Variants in TSHR observed in about 807,000 individuals in gnomAD.
TSHR encodes thyrotropin receptor.
A neutral mutation model predicts 64.1 loss-of-function variants in TSHR; 51 were observed. That is an observed-to-expected ratio of 0.80 (90% CI 0.64 to 1.01). TSHR has a LOEUF of 1.01. Ranked by LOEUF, TSHR falls within the 50% of genes least tolerant of loss-of-function variation. The pLI, the probability that TSHR is intolerant of heterozygous loss-of-function variation, is 0.00. For synonymous variants in TSHR, 361 were observed against 361.9 expected, an observed-to-expected ratio of 1.00 and a Z score of 0.03; for missense variants, 877 against 942.8, an observed-to-expected ratio of 0.93 and a Z score of 0.91.
At chr14:81,108,918 AT>A (rs1419539296) in intron 8 of TSHR, 21 of 1,405,608 alleles carry the variant, frequency 1.5e-5, no homozygotes, top group Non-Finnish European at 1.8e-5. Flanking sequence ...GAAAGATGGA[AT>A]AAAAACATTT....
intron 1 of TSHR, among the ~76,000 whole-genome samples, chr14:81,019,344 A>G (rs928594292): frequency 2.0e-5 from 3 of 152,012 alleles, no homozygotes; most frequent in Non-Finnish European, 4.4e-5. Flanking sequence ...AAAAAAAAAA[A>G]AAAATGGTTG....
chr14:80,980,360 G>C (rs1456613844), intron 1 of TSHR, among the ~76,000 whole-genome samples: 1 of 152,030 alleles, frequency 6.6e-6, no homozygotes, highest in Non-Finnish European at 1.5e-5. Context: ...TTTAACTTAG[G>C]TTTCTCTTTT....
chr14:81,001,703 A>C, intron 1 of TSHR: 1 of 472,918 alleles, frequency 2.1e-6, no homozygotes, highest in South Asian at 1.6e-5. Context: ...TGGCCTGGGC[A>C]GTTTCACGAG....
At chr14:81,025,361 A>T (rs1883995124) in intron 1 of TSHR, among the ~76,000 whole-genome samples, 1 of 152,162 alleles carries the variant, frequency 6.6e-6, no homozygotes, top group Non-Finnish European at 1.5e-5. Context: ...CAATATGTTT[A>T]TTTTTTAAAA....
chr14:81,107,827 T>C (rs1889992569), intron 7 of TSHR, among the ~76,000 whole-genome samples: 1 of 152,240 alleles, frequency 6.6e-6, no homozygotes, highest in African/African-American at 2.4e-5. Flanking sequence ...ACTAAAAAAT[T>C]ATTCATTGTT....
At chr14:81,028,872 A>G (rs1055083016) in intron 1 of TSHR, among the ~76,000 whole-genome samples, 1 of 151,982 alleles carries the variant, frequency 6.6e-6, no homozygotes, top group Admixed American at 6.6e-5. Flanking sequence ...TTAAACCCAA[A>G]ATGGATTCTT....
At position 80,978,188 on chromosome 14, in the gene TSHR, G is replaced by A. The variant is rs568626748; in HGVS notation, c.170+22338G>A. On this transcript the variant is annotated intron_variant, in intron 1 of 9. Coordinates refer to ENST00000298171, the MANE Select transcript of TSHR (RefSeq NM_000369.5). ...GCACAGGCCAGGAAAGTTCTCTCAC[G>A]GAACTTTCTTCCAAGCCATCATTGA... 3.0e-4 allele frequency among the ~76,000 whole-genome samples: 46 copies of A among 151,530 alleles called. 1 individual carries two copies. Among genetic ancestry groups the A allele is most frequent in the South Asian group, 1.7e-3 (8 of 4,798 alleles).
intron 1 of TSHR, among the ~76,000 whole-genome samples, chr14:80,984,930 C>CATTGTTTTATATCCTGAATTAAAAAGGTA (rs1263173726): frequency 5.3e-5 from 8 of 152,224 alleles, no homozygotes; most frequent in African/African-American, 1.9e-4. Flanking sequence ...TCATCCTGTA[C>CATTGTTTTATATCCTGAATTAAAAAGGTA]ATTGTTTTAT....
chr14:81,012,401 A>G (rs963691756), intron 1 of TSHR: 5 of 151,884 alleles, frequency 3.3e-5, no homozygotes, highest in African/African-American at 1.2e-4. Context: ...CAATAAACAT[A>G]CGTGTGCATG....
At chr14:81,066,885 C>T (rs564663130) in intron 2 of TSHR, among the ~76,000 whole-genome samples, 17 of 152,224 alleles carry the variant, frequency 1.1e-4, no homozygotes, top group African/African-American at 4.1e-4. Flanking sequence ...CATAGAAATA[C>T]CTCACAATAG....
At chr14:81,113,407 C>G (rs1202170660) in intron 8 of TSHR, among the ~76,000 whole-genome samples, 3 of 151,976 alleles carry the variant, frequency 2.0e-5, no homozygotes, top group African/African-American at 4.8e-5. Flanking sequence ...TGCAGGCAGG[C>G]AGTGATATAT....
intron 1 of TSHR, among the ~76,000 whole-genome samples, chr14:81,022,067 C>G (rs6574620): frequency 0.1 from 14,996 of 148,914 alleles, 2,527 homozygotes; most frequent in African/African-American, 0.35. Context: ...TCAAAACCAT[C>G]CTGGCTAACA....
At chr14:80,965,175 G>C (rs1231825198) in intron 1 of TSHR, among the ~76,000 whole-genome samples, 1 of 152,152 alleles carries the variant, frequency 6.6e-6, no homozygotes, top group Non-Finnish European at 1.5e-5. Context: ...GTTACTAACA[G>C]GCTTCAGATG....
At chr14:81,047,985 T>C (rs1343322988) in intron 1 of TSHR, among the ~76,000 whole-genome samples, 2 of 152,184 alleles carry the variant, frequency 1.3e-5, no homozygotes, top group East Asian at 3.9e-4. Flanking sequence ...ACTGAATGCC[T>C]GCTATGTTTA....
Position 81,144,015 on chromosome 14 carries a change from C to T in TSHR, c.1957C>T (p.Leu653Phe). ...YALSAILNKP[L>F]ITVSNSKILL... ...TCTGTCAGCAATTCTGAACAAGCCT[C>T]TCATCACTGTTAGCAACTCCAAAAT... Residue 653 changes from leucine (L) to phenylalanine (F), a missense_variant, in exon 10 of 10, where the codon CTC becomes TTC. By Grantham distance (22) the Leu-to-Phe change is conservative (BLOSUM62 0). Transcript: ENST00000298171. The T allele has an allele frequency of 6.2e-7, 1 of 1,614,226 alleles. No individual in the cohort carries two copies. The highest frequency in any genetic ancestry group is 8.5e-7 in the Non-Finnish European group (1 of 1,180,044).
chr14:81,036,454 G>T (rs1216434535), intron 1 of TSHR, among the ~76,000 whole-genome samples: 3 of 152,142 alleles, frequency 2.0e-5, no homozygotes, highest in African/African-American at 4.8e-5. Context: ...AAAGAGGTGA[G>T]GTGGGGGTGC....
chr14:81,103,613 T>C lies in TSHR; in HGVS notation c.615-4762T>C. On this transcript the variant is annotated intron_variant, in intron 7 of 9. Coordinates refer to ENST00000298171, the MANE Select transcript of TSHR (RefSeq NM_000369.5). This position sits in a 1 kb window ranked among gnomAD's most constrained non-coding sequence, Gnocchi z 4.1. ...ATGGCAGATGTGTAAAAGCACATTG[T>C]CCTATGACTTCCTATGGCGCCAAGA... is the stretch of plus-strand genomic sequence containing the variant. The C allele has an allele frequency of 1.0e-6, 1 of 985,472 alleles. No homozygotes were observed. 61.0% of individuals were successfully genotyped at this position (985,472 alleles called of 1,614,324 possible). A position where few individuals can be genotyped will look rare whatever the true frequency, so the allele number is the denominator to read the frequency against.
chr14:81,112,942 G>T lies in TSHR; in HGVS notation c.692+4490G>T, dbSNP rs117632503. ...CTGTGATCAAAAAGATGATAGGGTT[G>T]AGGAGCAACTTGCAGATGGTCTTAG... On this transcript the variant is annotated intron_variant, in intron 8 of 9. Transcript: ENST00000298171. Among the ~76,000 whole-genome samples the T allele has an allele frequency of 7.4e-3, 1,128 of 152,338 alleles. 9 individuals carry two copies. Among genetic ancestry groups the T allele is most frequent in the Non-Finnish European group, 0.012 (790 of 68,038 alleles).
rs533199736 is a variant in TSHR, at chr14:81,140,415, G to A, written c.881+548G>A. ...GTTACTTAACCACTCTGAGTCTTTG[G>A]GAATGGAGATCCTAATACTAACATT... On this transcript the variant is annotated intron_variant, in intron 9 of 9. Transcript: ENST00000298171. 1.9e-4 allele frequency among the ~76,000 whole-genome samples: 29 copies of A among 152,158 alleles called. 1 individual carries two copies. The highest frequency in any genetic ancestry group is 7.0e-4 in the African/African-American group (29 of 41,480).
Sources: allele counts gnomAD v4.1 joint callset (sites outside exome capture counted in the v4.1 genomes callset), GRCh38; gene constraint gnomAD v4.1.1; non-coding constraint Gnocchi (gnomAD v3.1); transcripts MANE v1.5; gene names NCBI Gene and HGNC (gene_info 2026-07-23, HGNC 2026-07-21).